Variants in CAMK4 observed in about 807,000 individuals in gnomAD.
CAMK4 encodes the protein calcium/calmodulin-dependent protein kinase type IV.
In CAMK4, 22 loss-of-function variants were observed where a neutral mutation model predicts 44.9. The ratio of observed to expected loss-of-function variants is 0.49; its 90% CI spans 0.35 to 0.70. The LOEUF is 0.70. Among genes scored for constraint, CAMK4 ranks in the 30% least tolerant of loss-of-function variants. The pLI is 0.01. For synonymous variants in CAMK4, 218 were observed against 215.4 expected (o/e 1.01, Z -0.11); for missense variants, 498 against 586.8 (o/e 0.85, Z 1.56).
At chr5:111,406,116 C>T (rs1460010670) in intron 5 of CAMK4, among the ~76,000 whole-genome samples, 3 of 150,370 alleles carry the variant, frequency 2.0e-5, no homozygotes, top group African/African-American at 7.3e-5. Context: ...GGTTTTATCT[C>T]ATTCTCTTCT....
At chr5:111,473,483 T>C (rs1580800963) in intron 8 of CAMK4, 97 bp downstream of exon 8, 1 of 796,708 alleles carries the variant, frequency 1.3e-6, no homozygotes, top group East Asian at 2.5e-5. Flanking sequence ...AGATTACTTT[T>C]TGCCTTTTTG....
chr5:111,344,435 C>CACACAT (rs1561427110), intron 2 of CAMK4, among the ~76,000 whole-genome samples: 190 of 146,530 alleles, frequency 1.3e-3, no homozygotes, highest in Admixed American at 3.5e-3. Flanking sequence ...CACACACATA[C>CACACAT]ACACACACAC....
intron 5 of CAMK4, among the ~76,000 whole-genome samples, chr5:111,427,544 A>T (rs149998171): frequency 1.3e-5 from 2 of 152,332 alleles, no homozygotes; most frequent in African/African-American, 2.4e-5. Flanking sequence ...GAGCACCAGG[A>T]CAGGTAACAT....
chr5:111,343,379 T>C (rs990829122), intron 1 of CAMK4, among the ~76,000 whole-genome samples: 2 of 151,786 alleles, frequency 1.3e-5, no homozygotes, highest in African/African-American at 4.8e-5. Flanking sequence ...TATATTTCTC[T>C]TTTATCTCTC....
At chr5:111,446,835 G>C in intron 6 of CAMK4, 59 bp downstream of exon 6, 2 of 1,020,816 alleles carry the variant, frequency 2.0e-6, no homozygotes, top group Non-Finnish European at 3.1e-6. Context: ...AAATTTTACT[G>C]TGTGGAATTT....
chr5:111,406,856 G>A (rs1419138589), intron 5 of CAMK4, among the ~76,000 whole-genome samples: 3 of 152,170 alleles, frequency 2.0e-5, no homozygotes, highest in Non-Finnish European at 4.4e-5. Context: ...CTCAATTAAA[G>A]TGCCATGAAT....
intron 1 of CAMK4, among the ~76,000 whole-genome samples, chr5:111,311,425 T>C (rs777562640): frequency 2.0e-5 from 3 of 152,168 alleles, no homozygotes; most frequent in Non-Finnish European, 4.4e-5. Context: ...GGTCTTTGTA[T>C]GAAAAACTCT....
At chr5:111,279,955 G>C (rs552155582) in intron 1 of CAMK4, among the ~76,000 whole-genome samples, 2 of 152,160 alleles carry the variant, frequency 1.3e-5, no homozygotes, top group East Asian at 1.9e-4. Context: ...CGAATTGAGG[G>C]ACATGGTCAT....
intron 5 of CAMK4, among the ~76,000 whole-genome samples, chr5:111,417,014 G>A (rs1752838904): frequency 6.6e-6 from 1 of 152,010 alleles, no homozygotes; most frequent in Non-Finnish European, 1.5e-5. Context: ...GAACTATTTT[G>A]GTAAATAAAT....
chr5:111,406,724 T>C lies in CAMK4; in HGVS notation c.459+11942T>C, dbSNP rs369313379. On this transcript the variant is annotated intron_variant, in intron 5 of 10. Transcript: ENST00000282356. ...AAGTAAACGCAAGACACAGTCTCTT[T>C]CTGAAAGGTGATTAAGAAAAGAGGA... Among the ~76,000 whole-genome samples the C allele has an allele frequency of 1.6e-4, 24 of 152,270 alleles. No homozygotes were observed. The East Asian group carries it at 4.2e-3, about 27-fold the overall frequency.
At chr5:111,442,420 C>T (rs1753856676) in intron 5 of CAMK4, among the ~76,000 whole-genome samples, 1 of 151,932 alleles carries the variant, frequency 6.6e-6, no homozygotes. Flanking sequence ...TCGCTTGAAC[C>T]AGGGAGGTGG....
chr5:111,248,062 A>C (rs1749317521), intron 1 of CAMK4, among the ~76,000 whole-genome samples: 1 of 152,176 alleles, frequency 6.6e-6, no homozygotes, highest in Non-Finnish European at 1.5e-5. Context: ...GTTTTACAGA[A>C]TACATTTTGG....
At chr5:111,364,351 C>G (rs563166667) in intron 2 of CAMK4, among the ~76,000 whole-genome samples, 4 of 152,228 alleles carry the variant, frequency 2.6e-5, no homozygotes, top group Non-Finnish European at 5.9e-5. Flanking sequence ...CTCTGCTAAG[C>G]CCAACCTCTT....
At chr5:111,408,826 A>C (rs1370046769) in intron 5 of CAMK4, among the ~76,000 whole-genome samples, 5 of 152,214 alleles carry the variant, frequency 3.3e-5, no homozygotes, top group Non-Finnish European at 2.9e-5. Context: ...CATAGGTGCT[A>C]CAGGCCCCAT....
chr5:111,331,911 C>T (rs1749182493), intron 1 of CAMK4, among the ~76,000 whole-genome samples: 1 of 151,230 alleles, frequency 6.6e-6, no homozygotes, highest in Non-Finnish European at 1.5e-5. Flanking sequence ...GTTTTAAGTT[C>T]ATTAGGGGCC....
intron 8 of CAMK4, among the ~76,000 whole-genome samples, chr5:111,477,311 G>T (rs183944231): frequency 7.2e-5 from 11 of 152,356 alleles, no homozygotes; most frequent in African/African-American, 2.4e-4. Context: ...GTGAGTAAAA[G>T]GACATACGAA....
At chr5:111,302,129 T>C (rs2112648892) in intron 1 of CAMK4, 1 of 152,282 alleles carries the variant, frequency 6.6e-6, no homozygotes, top group Admixed American at 6.5e-5. Flanking sequence ...TAATAAGCCA[T>C]ATTCTCTCAG....
intron 1 of CAMK4, among the ~76,000 whole-genome samples, chr5:111,249,187 C>T (rs1242977699): frequency 6.6e-6 from 1 of 152,220 alleles, no homozygotes; most frequent in South Asian, 2.1e-4. Context: ...TATTCCTTTC[C>T]TCATTGTTCA....
chr5:111,264,590 A>G (rs993304359), intron 1 of CAMK4, among the ~76,000 whole-genome samples: 2 of 152,092 alleles, frequency 1.3e-5, no homozygotes, highest in Non-Finnish European at 2.9e-5. Flanking sequence ...GTTTGAAGTC[A>G]TTGATGTGAT....
Sources: gnomAD v4.1 joint callset for allele counts (sites outside exome capture counted in the v4.1 genomes callset) on GRCh38, gnomAD v4.1.1 for gene constraint, MANE v1.5 for transcripts, NCBI Gene and HGNC (gene_info 2026-07-23, HGNC 2026-07-21) for gene names.